RPS6KA1: variants seen among roughly 807,000 people sequenced by gnomAD.
The protein encoded by RPS6KA1 is ribosomal protein S6 kinase A1.
RPS6KA1 carries 48 observed loss-of-function variants against 91.3 expected under a neutral mutation model. That is an observed-to-expected ratio of 0.53 (90% CI 0.42 to 0.67). The LOEUF is 0.67. RPS6KA1 is among the 30% of genes least tolerant of loss of function. The probability of loss-of-function intolerance (pLI) is 0.00; values close to 1 mark genes in which losing one functional copy is unlikely to be tolerated. For missense variants in RPS6KA1, 719 were observed against 960.5 expected (o/e 0.75, Z 3.32); for synonymous variants, 359 against 384.7 (o/e 0.93, Z 0.78).
Position 26,545,582 on chromosome 1 carries a change from G to A in RPS6KA1, c.109-1285G>A, listed in dbSNP as rs531954883. ...GTCTGTTGGGTACCTGTTTGCTATT[G>A]GGTACCTCTCTGCTGTTGGGTACCA... On this transcript the variant is annotated intron_variant, in intron 2 of 21. Transcript: ENST00000374168. 2.7e-3 allele frequency among the ~76,000 whole-genome samples: 417 copies of A among 152,198 alleles called. 5 individuals are homozygous for A. Among genetic ancestry groups the A allele is most frequent in the Admixed American group, 8.1e-3 (123 of 15,274 alleles).
chr1:26,555,795 G>A lies in RPS6KA1; in HGVS notation c.916+170G>A, dbSNP rs1188799321. ...GCTCCATGTGTGGTGTTGTGGAGGG[G>A]GGAGTTGACCTGTGTGTAGGGGGAA... is the stretch of plus-strand genomic sequence containing the variant. On this transcript the variant is annotated intron_variant, in intron 11 of 21. Transcript: ENST00000374168. This position sits in a 1 kb window ranked among gnomAD's most constrained non-coding sequence, Gnocchi z 4.3. Among the ~76,000 whole-genome samples, 1 of 152,160 alleles carries A rather than the reference G, an allele frequency of 6.6e-6. No individual in the cohort carries two copies. Among genetic ancestry groups the A allele is most frequent in the African/African-American group, 2.4e-5 (1 of 41,424 alleles).
chr1:26,560,638 T>A (rs2076145435), intron 14 of RPS6KA1, 88 bp from the exon 15 acceptor site: 1 of 1,546,296 alleles, frequency 6.5e-7, no homozygotes, highest in South Asian at 1.2e-5. Context: ...CCTGGTGCTG[T>A]CTCTACTGAG....
intron 2 of RPS6KA1, among the ~76,000 whole-genome samples, chr1:26,546,463 C>T (rs1388482815): frequency 2.0e-5 from 3 of 152,216 alleles, no homozygotes; most frequent in African/African-American, 4.8e-5. Flanking sequence ...TGACCAGGAA[C>T]GAAGGCCCAG....
chr1:26,567,563 T>A (rs988168360), intron 17 of RPS6KA1, among the ~76,000 whole-genome samples: 2 of 152,276 alleles, frequency 1.3e-5, no homozygotes, highest in Admixed American at 1.3e-4. Context: ...GTATTTTTAG[T>A]AGAGACGGGG....
intron 17 of RPS6KA1, among the ~76,000 whole-genome samples, chr1:26,568,982 G>A (rs747274030): frequency 3.9e-5 from 6 of 152,070 alleles, no homozygotes; most frequent in Non-Finnish European, 7.3e-5. Flanking sequence ...GATCACTTGA[G>A]GCCAGAGTTT....
At position 26,551,232 on chromosome 1, in the gene RPS6KA1, G is replaced by T. The variant is rs2076046840; in HGVS notation, c.308-165G>T. 1.3e-5 allele frequency among the ~76,000 whole-genome samples: 2 copies of T among 152,164 alleles called. No individual in the cohort carries two copies. Among genetic ancestry groups the T allele is most frequent in the South Asian group, 2.1e-4 (1 of 4,836 alleles). On this transcript the variant is annotated intron_variant, in intron 4 of 21. Transcript: ENST00000374168. This position sits in a 1 kb window ranked among gnomAD's most constrained non-coding sequence, Gnocchi z 4.5. ...CAGCCAAGGAGCCAGAAACAGACTG[G>T]CAAGGAGGAAACCTGAGGATTGAGT...
At position 26,558,041 on chromosome 1, in the gene RPS6KA1, C is replaced by G. The variant is rs903875862; in HGVS notation, c.1085-766C>G. Among the ~76,000 whole-genome samples, 4 of 151,898 alleles carry G rather than the reference C, an allele frequency of 2.6e-5. No homozygotes were observed. Among genetic ancestry groups the G allele is most frequent in the African/African-American group, 7.3e-5 (3 of 41,316 alleles). ...ACGGGGTTTCACCATGTTGGCCAGG[C>G]TGGTCTCGAACTCCTGACCTCAGGT... On this transcript the variant is annotated intron_variant, in intron 13 of 21. Transcript: ENST00000374168. The surrounding 1 kb of genome is among the most constrained non-coding windows in gnomAD (Gnocchi z 4.0).
chr1:26,553,354 G>A (rs1422938074), intron 6 of RPS6KA1, 37 bp from the exon 7 acceptor site: 1 of 1,434,068 alleles, frequency 7.0e-7, no homozygotes, highest in African/African-American at 1.4e-5. Context: ...TTAAGGAAGA[G>A]GAGGTCCCTG....
intron 1 of RPS6KA1, among the ~76,000 whole-genome samples, chr1:26,531,602 T>C (rs1433768973): frequency 1.3e-5 from 2 of 152,198 alleles, no homozygotes; most frequent in Non-Finnish European, 2.9e-5. Flanking sequence ...ATCTCAGTTT[T>C]GAGTTCTGTA....
intron 4 of RPS6KA1, among the ~76,000 whole-genome samples, chr1:26,550,789 C>G (rs900433034): frequency 3.3e-5 from 5 of 152,270 alleles, no homozygotes; most frequent in African/African-American, 1.2e-4. Flanking sequence ...GGAGCGCTTC[C>G]TGGAGAAGGT....
rs2076051221 is a variant in RPS6KA1 at position 26,551,634 on chromosome 1, C to G, written c.389-10C>G. On this transcript the variant is annotated splice_polypyrimidine_tract_variant and intron_variant, in intron 5 of 21. Transcript: ENST00000374168. The surrounding 1 kb of genome is among the most constrained non-coding windows in gnomAD (Gnocchi z 4.5). Reference sequence around the variant, plus strand: ...GCCGACTCTACCATTGCCTTTCTCCCTCTTCCCAGCCTTCCAGACCGAGGG... The same window carrying G: ...GCCGACTCTACCATTGCCTTTCTCCGTCTTCCCAGCCTTCCAGACCGAGGG... The G allele has an allele frequency of 1.9e-6, 3 of 1,613,906 alleles. No homozygotes were observed. In the African/African-American group the frequency reaches 4.0e-5, roughly 22 times the overall value.
At chr1:26,562,191 G>A (rs1052420558) in intron 17 of RPS6KA1, among the ~76,000 whole-genome samples, 4 of 152,040 alleles carry the variant, frequency 2.6e-5, no homozygotes, top group South Asian at 2.1e-4. Flanking sequence ...GCAACAGAGC[G>A]AAACTCCATC....
chr1:26,546,767 G>A (rs2075998261), intron 2 of RPS6KA1, 100 bp from the exon 3 acceptor site: 2 of 838,358 alleles, frequency 2.4e-6, no homozygotes, highest in Non-Finnish European at 4.0e-6. Flanking sequence ...GGGCCTTTAG[G>A]TTCCATCTGC....
chr1:26,567,576 T>C (rs2076214840), intron 17 of RPS6KA1, among the ~76,000 whole-genome samples: 1 of 152,134 alleles, frequency 6.6e-6, no homozygotes, highest in Non-Finnish European at 1.5e-5. Flanking sequence ...AGACGGGGTT[T>C]CTCCATGTTG....
At chr1:26,533,632 C>A (rs564421734) in intron 1 of RPS6KA1, among the ~76,000 whole-genome samples, 1 of 152,134 alleles carries the variant, frequency 6.6e-6, no homozygotes, top group African/African-American at 2.4e-5. Context: ...TTGAACCCAG[C>A]GGGGCAGAGG....
rs2076275412 is a variant in RPS6KA1, at chr1:26,574,117, C to T, written c.2124C>T (p.Ser708=). The T allele has an allele frequency of 6.2e-7, 1 of 1,614,034 alleles. No individual in the cohort carries two copies. The highest frequency in any genetic ancestry group is 1.3e-5 in the African/African-American group (1 of 74,930). ...MAATYSALNS[S]KPTPQLKPIE... ...CCACGTACTCCGCACTCAACAGCTC[C>T]AAGCCCACCCCCCAGCTGAAGCCCA... The change falls in exon 22 of 22, where the codon TCC becomes TCT. Residue 708 remains serine (S), a synonymous_variant. Transcript: ENST00000374168. This position sits in a 1 kb window ranked among gnomAD's most constrained non-coding sequence, Gnocchi z 4.3.
chr1:26,531,803 G>T (rs964424993), intron 1 of RPS6KA1, among the ~76,000 whole-genome samples: 19 of 152,158 alleles, frequency 1.2e-4, no homozygotes, highest in Admixed American at 6.6e-5. Flanking sequence ...GCCTGAGAGG[G>T]TGCAGAGCGC....
intron 6 of RPS6KA1, chr1:26,552,995 AG>A (rs2076066659): frequency 7.3e-6 from 2 of 273,564 alleles, no homozygotes; most frequent in South Asian, 6.7e-5. Flanking sequence ...TTATGTAAAA[AG>A]TACTATTCTG....
At chr1:26,560,914 G>C (rs2076148807) in intron 15 of RPS6KA1, 63 bp downstream of exon 15, 4 of 1,611,492 alleles carry the variant, frequency 2.5e-6, no homozygotes, top group Non-Finnish European at 3.4e-6. Flanking sequence ...CCGTCTGGTG[G>C]GGAGGGATGG....
Sources: gnomAD v4.1 joint callset for allele counts (sites outside exome capture counted in the v4.1 genomes callset) on GRCh38, gnomAD v4.1.1 for gene constraint, Gnocchi (gnomAD v3.1) non-coding constraint, MANE v1.5 for transcripts, NCBI Gene and HGNC (gene_info 2026-07-23, HGNC 2026-07-21) for gene names.